RHOBTB1: variants seen among roughly 807,000 people sequenced by gnomAD.
RHOBTB1 encodes the protein rho-related BTB domain-containing protein 1.
In RHOBTB1, 40 loss-of-function variants were observed where a neutral mutation model predicts 71.6. The observed-to-expected ratio is 0.56, with a 90% CI of 0.43 to 0.73. The LOEUF (loss-of-function observed/expected upper bound fraction) is 0.73. Among genes scored for constraint, RHOBTB1 ranks in the 30% least tolerant of loss-of-function variants. The pLI, the probability that RHOBTB1 is intolerant of heterozygous loss-of-function variation, is 0.00. For synonymous variants in RHOBTB1, 319 were observed against 334.9 expected (o/e 0.95, Z 0.52); for missense variants, 797 against 894.0 (o/e 0.89, Z 1.38).
chr10:60,932,103 G>T (rs996187722), intron 2 of RHOBTB1, among the ~76,000 whole-genome samples: 4 of 152,132 alleles, frequency 2.6e-5, no homozygotes, highest in African/African-American at 7.2e-5. Context: ...TGGTATGCAT[G>T]CCATGTATGT....
chr10:60,877,407 A>G (rs2081097526), intron 8 of RHOBTB1, among the ~76,000 whole-genome samples: 1 of 152,224 alleles, frequency 6.6e-6, no homozygotes, highest in African/African-American at 2.4e-5. Flanking sequence ...CCCATTTTAA[A>G]GAGCGAGAAA....
At chr10:60,893,763 T>G (rs1167003011) in intron 4 of RHOBTB1, among the ~76,000 whole-genome samples, 1 of 152,166 alleles carries the variant, frequency 6.6e-6, no homozygotes, top group Non-Finnish European at 1.5e-5. Flanking sequence ...GACATAAGGG[T>G]CTTCCATTTT....
intron 1 of RHOBTB1, among the ~76,000 whole-genome samples, chr10:61,000,669 AT>A (rs755088595): frequency 1.1e-4 from 17 of 151,442 alleles, no homozygotes; most frequent in East Asian, 5.8e-4. Context: ...GTATATCTTC[AT>A]TTTTTTTTAA....
chr10:60,901,684 GTT>G (rs1473534019), intron 4 of RHOBTB1, among the ~76,000 whole-genome samples: 1 of 152,108 alleles, frequency 6.6e-6, no homozygotes, highest in Non-Finnish European at 1.5e-5. Flanking sequence ...ACAAACTGAT[GTT>G]TTCTTTTCTT....
intron 2 of RHOBTB1, among the ~76,000 whole-genome samples, chr10:60,914,285 A>G (rs1287268149): frequency 1.3e-5 from 2 of 152,104 alleles, no homozygotes; most frequent in East Asian, 3.9e-4. Flanking sequence ...GCATTTCTCA[A>G]TTCCAGAATA....
chr10:60,968,618 A>G (rs2086051590), intron 2 of RHOBTB1, among the ~76,000 whole-genome samples: 1 of 152,102 alleles, frequency 6.6e-6, no homozygotes, highest in South Asian at 2.1e-4. Context: ...TGTGGATCTG[A>G]TTTTCAAAAT....
At chr10:60,940,640 G>A (rs1349716447) in intron 2 of RHOBTB1, among the ~76,000 whole-genome samples, 1 of 152,204 alleles carries the variant, frequency 6.6e-6, no homozygotes, top group Admixed American at 6.5e-5. Flanking sequence ...ACATCTTTGA[G>A]TTTGAGATAC....
At chr10:60,875,076 AC>A in intron 8 of RHOBTB1, 34 bp from the exon 9 acceptor site, 1 of 1,552,884 alleles carries the variant, frequency 6.4e-7, no homozygotes, top group Non-Finnish European at 8.9e-7. Context: ...AGAACATTAA[AC>A]CACGCCCTGC....
At chr10:60,899,684 C>A (rs536349118) in intron 4 of RHOBTB1, among the ~76,000 whole-genome samples, 6 of 152,188 alleles carry the variant, frequency 3.9e-5, no homozygotes, top group Non-Finnish European at 8.8e-5. Flanking sequence ...TGAGAACCTA[C>A]TGTGTACCAG....
Position 60,918,326 on chromosome 10 carries a change from C to T in RHOBTB1, c.-10-6774G>A, listed in dbSNP as rs147288493. On this transcript the variant is annotated intron_variant, in intron 2 of 10. Transcript: ENST00000337910. Reference sequence around the variant, plus strand: ...AATCATTTCCCTTCCTTTGGTGGTACCCCAACCCAACCTTCAGTCTTTGCC... The same window carrying T: ...AATCATTTCCCTTCCTTTGGTGGTATCCCAACCCAACCTTCAGTCTTTGCC... 6.0e-4 allele frequency among the ~76,000 whole-genome samples: 91 copies of T among 152,270 alleles called. 1 individual carries two copies. The East Asian group carries it at 0.011, about 18-fold the overall frequency.
At chr10:60,916,855 G>A (rs186234336) in intron 2 of RHOBTB1, among the ~76,000 whole-genome samples, 4 of 152,344 alleles carry the variant, frequency 2.6e-5, no homozygotes, top group Admixed American at 6.5e-5. Flanking sequence ...TGGGTGCAAC[G>A]CAATCACGAT....
chr10:60,980,224 T>C (rs1267036877), intron 2 of RHOBTB1, among the ~76,000 whole-genome samples: 1 of 152,232 alleles, frequency 6.6e-6, no homozygotes, highest in Non-Finnish European at 1.5e-5. Flanking sequence ...TGATAGGTGA[T>C]AGTTTAAAAT....
chr10:60,997,782 T>C (rs1434379348), intron 1 of RHOBTB1, among the ~76,000 whole-genome samples: 1 of 152,220 alleles, frequency 6.6e-6, no homozygotes, highest in Admixed American at 6.5e-5. Flanking sequence ...TACTAAGATG[T>C]TCTAATGCTG....
chr10:60,967,605 T>C (rs898993561), intron 2 of RHOBTB1, among the ~76,000 whole-genome samples: 12 of 152,058 alleles, frequency 7.9e-5, no homozygotes, highest in Admixed American at 6.6e-5. Context: ...GAGAGAATGA[T>C]GTTTGGAAGG....
chr10:60,915,911 A>G (rs952655828), intron 2 of RHOBTB1, among the ~76,000 whole-genome samples: 1 of 152,074 alleles, frequency 6.6e-6, no homozygotes, highest in Non-Finnish European at 1.5e-5. Context: ...GATCTTTACC[A>G]CATTTTACTT....
chr10:60,991,250 A>C (rs943825674), intron 1 of RHOBTB1, among the ~76,000 whole-genome samples: 1 of 152,066 alleles, frequency 6.6e-6, no homozygotes, highest in Non-Finnish European at 1.5e-5. Flanking sequence ...AGCACTCCCC[A>C]CACCCCCACC....
At chr10:60,947,224 C>G (rs928088581), upstream of RHOBTB1, among the ~76,000 whole-genome samples, 1 of 152,186 alleles carries the variant, frequency 6.6e-6, no homozygotes, top group Non-Finnish European at 1.5e-5. Flanking sequence ...ATACTAAAAT[C>G]ATTGCTTGCT....
At chr10:60,912,397 C>T (rs1021794287) in intron 2 of RHOBTB1, among the ~76,000 whole-genome samples, 5 of 152,018 alleles carry the variant, frequency 3.3e-5, no homozygotes, top group African/African-American at 1.2e-4. Flanking sequence ...CCATGCCCGG[C>T]TAATTTTTAT....
intron 2 of RHOBTB1, among the ~76,000 whole-genome samples, chr10:60,928,287 A>G (rs761963332): frequency 2.6e-5 from 4 of 151,804 alleles, no homozygotes; most frequent in Non-Finnish European, 5.9e-5. Context: ...AAATCAAACT[A>G]TCTTATGAGC....
Sources: gnomAD v4.1 joint callset for allele counts (sites outside exome capture counted in the v4.1 genomes callset) on GRCh38, gnomAD v4.1.1 for gene constraint, MANE v1.5 for transcripts, NCBI Gene and HGNC (gene_info 2026-07-23, HGNC 2026-07-21) for gene names.